The following DCAKD variants were observed in gnomAD, a reference collection of about 807,000 sequenced individuals.
The protein encoded by DCAKD is dephospho-CoA kinase domain containing, also known as dephospho-CoA kinase domain-containing protein.
DCAKD carries 15 observed loss-of-function variants against 18.7 expected under a neutral mutation model. The observed-to-expected ratio is 0.80, with a 90% CI of 0.54 to 1.24. The LOEUF (loss-of-function observed/expected upper bound fraction) is 1.24, where lower values mean the gene tolerates loss of function less well. Among genes scored for constraint, DCAKD ranks in the 50% most tolerant of loss-of-function variants. DCAKD has a pLI of 0.00. For missense variants in DCAKD, 301 were observed against 322.0 expected (o/e 0.93, Z 0.50); for synonymous variants, 130 against 133.0 (o/e 0.98, Z 0.16).
chr17:45,046,460 A>G (rs1567847752), intron 1 of DCAKD, among the ~76,000 whole-genome samples: 1 of 152,018 alleles, frequency 6.6e-6, no homozygotes, highest in Non-Finnish European at 1.5e-5. Flanking sequence ...TACTAAAAAT[A>G]CAAAAATTAG....
chr17:45,024,753 GT>G, intron 4 of DCAKD, 29 bp from the exon 5 acceptor site: 1 of 1,529,610 alleles, frequency 6.5e-7, no homozygotes, highest in Non-Finnish European at 8.8e-7. Context: ...GGCACTGTAG[GT>G]CCTGCCTCCC....
intron 1 of DCAKD, among the ~76,000 whole-genome samples, chr17:45,049,236 G>C (rs1053331577): frequency 2.0e-5 from 3 of 152,056 alleles, no homozygotes; most frequent in Non-Finnish European, 4.4e-5. Context: ...CCAGGAGTCA[G>C]CCGGGGCAAC....
Position 45,034,877 on chromosome 17 carries a change from C to G in DCAKD, c.9G>C (p.Leu3=). ...AGGCAATGCCCCCTGTCAGGCCCAC[C>G]AGAAACATCTTCCAGGAAAGAGAGC... is the stretch of plus-strand genomic sequence containing the variant. MF[L]VGLTGGIASG... is the part of the protein sequence containing the mutation. Residue 3 remains leucine (L), a synonymous_variant, in exon 2 of 5, where the codon CTG becomes CTC. Coordinates refer to ENST00000651974, the MANE Select transcript of DCAKD (RefSeq NM_001288655.2). 6.2e-7 allele frequency: 1 copy of G among 1,614,176 alleles called. No homozygotes were observed. Among genetic ancestry groups the G allele is most frequent in the Non-Finnish European group, 8.5e-7 (1 of 1,180,030 alleles).
At chr17:45,060,602 C>T (rs2053839531) in intron 1 of DCAKD, among the ~76,000 whole-genome samples, 1 of 152,168 alleles carries the variant, frequency 6.6e-6, no homozygotes, top group Admixed American at 6.5e-5. Flanking sequence ...CACGTGTGCG[C>T]GAAAGAGCTT....
At chr17:45,046,809 C>T (rs995654721) in intron 1 of DCAKD, among the ~76,000 whole-genome samples, 3 of 152,002 alleles carry the variant, frequency 2.0e-5, no homozygotes, top group African/African-American at 7.3e-5. Flanking sequence ...TTCACACTCA[C>T]CCATCTCCCA....
intron 1 of DCAKD, among the ~76,000 whole-genome samples, chr17:45,043,962 C>T (rs546870110): frequency 1.8e-4 from 27 of 152,238 alleles, no homozygotes; most frequent in Admixed American, 9.2e-4. Context: ...GCCACCATGT[C>T]GCTGCGGAAG....
intron 1 of DCAKD, among the ~76,000 whole-genome samples, chr17:45,037,203 C>T (rs926683868): frequency 2.6e-5 from 4 of 152,120 alleles, no homozygotes; most frequent in East Asian, 1.9e-4. Flanking sequence ...ACGGTGTTCA[C>T]GCCTGTAATC....
At chr17:45,051,074 C>T (rs896620058) in intron 1 of DCAKD, among the ~76,000 whole-genome samples, 14 of 152,222 alleles carry the variant, frequency 9.2e-5, no homozygotes, top group African/African-American at 3.4e-4. Context: ...CCCTATGGGA[C>T]AGATACTGTA....
intron 1 of DCAKD, among the ~76,000 whole-genome samples, chr17:45,036,429 T>C (rs2143255758): frequency 6.6e-6 from 1 of 152,018 alleles, no homozygotes; most frequent in East Asian, 1.9e-4. Context: ...GGCAGGAGAA[T>C]CGCTTGAACC....
upstream of DCAKD, chr17:45,054,253 TA>T (rs774710971): frequency 0.011 from 4,583 of 413,820 alleles, 23 homozygotes; most frequent in Admixed American, 0.012. Context: ...CAGTTTTATT[TA>T]TTTTTTTTTT....
At chr17:45,060,373 A>G (rs1385249483) in intron 1 of DCAKD, among the ~76,000 whole-genome samples, 2 of 151,930 alleles carry the variant, frequency 1.3e-5, no homozygotes, top group Admixed American at 6.6e-5. Flanking sequence ...AAAAATATAT[A>G]AATTATCCGG....
At position 45,024,550 on chromosome 17, in the gene DCAKD, G is replaced by A. The variant is rs779783313; in HGVS notation, c.579C>T (p.His193=). Residue 193 remains histidine, a synonymous_variant, in exon 5 of 5, where the codon CAC becomes CAT. Coordinates refer to ENST00000651974, the MANE Select transcript of DCAKD (RefSeq NM_001288655.2). Reference sequence around the variant, plus strand: ...ACTCCAGGGAGCGCTCCAGCTCAGTGTGCAAGAGGATGACCTGGCGTTTGG... The same window carrying A: ...ACTCCAGGGAGCGCTCCAGCTCAGTATGCAAGAGGATGACCTGGCGTTTGG... The part of the protein sequence containing the change: ...SVTKRQVILL[H]TELERSLEYL... 6.2e-7 allele frequency: 1 copy of A among 1,614,194 alleles called. No individual in the cohort carries two copies. The highest frequency in any genetic ancestry group is 8.5e-7 in the Non-Finnish European group (1 of 1,180,016).
At position 45,024,285 on chromosome 17, in the gene DCAKD, CCG is replaced by C. The variant is rs1491301631; in HGVS notation, c.*146_*147del. On this transcript the variant is annotated 3_prime_UTR_variant, in exon 5 of 5. Transcript: ENST00000651974. ...GAGGCCCAGCCCTGATTCGGAGAGT[CCG>C]TGTGTGTGTGTGTGTGTGTGTGTGT... is the stretch of plus-strand genomic sequence containing the variant. 1.6e-4 allele frequency: 151 copies of C among 937,300 alleles called. 2 individuals are homozygous for C. The East Asian group carries it at 3.9e-3, about 24-fold the overall frequency. The allele number at this position is 937,300 out of a possible 1,614,324, so 58.1% of individuals were successfully genotyped here.
chr17:45,032,430 G>C (rs910943164), intron 3 of DCAKD, among the ~76,000 whole-genome samples: 1 of 151,840 alleles, frequency 6.6e-6, no homozygotes, highest in South Asian at 2.1e-4. Context: ...GGATGAGGGT[G>C]GGGGGAGGTT....
chr17:45,053,417 C>G (rs561198247), upstream of DCAKD, among the ~76,000 whole-genome samples: 1 of 148,904 alleles, frequency 6.7e-6, no homozygotes, highest in African/African-American at 2.5e-5. Flanking sequence ...GCCACCACAT[C>G]CAGCTAATTT....
At position 45,042,226 on chromosome 17, in the gene DCAKD, C is replaced by A. The variant is rs142209945; in HGVS notation, c.-114-7227G>T. Among the ~76,000 whole-genome samples the A allele has an allele frequency of 8.4e-3, 1,278 of 152,302 alleles. 13 individuals carry two copies. The highest frequency in any genetic ancestry group is 0.011 in the Non-Finnish European group (734 of 68,024). The stretch of plus-strand genomic sequence containing the variant: ...ATCCAATCCCCCAACCCAAATGATG[C>A]CCCTGCCATCTCTCACCACTCCCTT... On this transcript the variant is annotated intron_variant, in intron 1 of 4. Coordinates refer to ENST00000651974, the MANE Select transcript of DCAKD (RefSeq NM_001288655.2).
chr17:45,029,855 C>T (rs1241903500), intron 4 of DCAKD, among the ~76,000 whole-genome samples: 2 of 152,034 alleles, frequency 1.3e-5, no homozygotes, highest in Admixed American at 6.6e-5. Flanking sequence ...CAATGGTCAG[C>T]GGGGGAGCGC....
At chr17:45,060,058 C>T (rs1052378495) in intron 1 of DCAKD, among the ~76,000 whole-genome samples, 2 of 152,214 alleles carry the variant, frequency 1.3e-5, no homozygotes, top group Non-Finnish European at 1.5e-5. Context: ...GAGCCGAGAT[C>T]GCACCACTGC....
intron 1 of DCAKD, among the ~76,000 whole-genome samples, chr17:45,059,237 G>A (rs1180582360): frequency 6.6e-6 from 1 of 151,288 alleles, no homozygotes; most frequent in Non-Finnish European, 1.5e-5. Flanking sequence ...AAGAGAGCGA[G>A]ACTCCGTCTC....
Sources: allele counts gnomAD v4.1 joint callset (sites outside exome capture counted in the v4.1 genomes callset), GRCh38; gene constraint gnomAD v4.1.1; transcripts MANE v1.5; gene names NCBI Gene and HGNC (gene_info 2026-07-23, HGNC 2026-07-21).